Variants in AFF2 observed in about 807,000 individuals in gnomAD.
The protein encoded by AFF2 is AF4/FMR2 family member 2.
A neutral mutation model predicts 76.9 loss-of-function variants in AFF2; 14 were observed. The ratio of observed to expected loss-of-function variants is 0.18; its 90% CI spans 0.12 to 0.28. The LOEUF is 0.28. AFF2 is among the 10% of genes least tolerant of loss of function. The pLI is 1.00. For missense variants in AFF2, 868 were observed against 1,001.1 expected (o/e 0.87, Z 1.79); for synonymous variants, 398 against 366.7 (o/e 1.09, Z -0.98).
chrX:148,912,818 G>A (rs1193910065), intron 9 of AFF2, among the ~76,000 whole-genome samples: 1 of 111,301 alleles, frequency 9.0e-6, no homozygotes, highest in Non-Finnish European at 1.9e-5. Context: ...CCCACCGAGT[G>A]AGATACATGA....
At chrX:148,511,263 G>T (rs1250920794) in intron 1 of AFF2, among the ~76,000 whole-genome samples, 1 of 110,401 alleles carries the variant, frequency 9.1e-6, no homozygotes, top group Non-Finnish European at 1.9e-5. Flanking sequence ...AAAAAAAAAA[G>T]GTGTAGTAAC....
intron 7 of AFF2, among the ~76,000 whole-genome samples, chrX:148,851,396 C>T (rs1175180033): frequency 8.9e-6 from 1 of 112,461 alleles, no homozygotes; most frequent in Non-Finnish European, 1.9e-5. Flanking sequence ...AAGACTGGAA[C>T]AGAGTAGGTG....
chrX:148,804,265 G>T (rs1262009755), intron 3 of AFF2, among the ~76,000 whole-genome samples: 1 of 111,844 alleles, frequency 8.9e-6, no homozygotes, highest in Admixed American at 9.5e-5. Flanking sequence ...CGAGTGGCTT[G>T]CCCAAGGTCA....
intron 7 of AFF2, among the ~76,000 whole-genome samples, chrX:148,853,638 T>C (rs1333616830): frequency 2.7e-5 from 3 of 111,866 alleles, no homozygotes; most frequent in Non-Finnish European, 5.6e-5. Flanking sequence ...TTGCCAAAGC[T>C]CAGTCCTGTT....
chrX:148,540,759 A>G (rs1489729513), intron 1 of AFF2, among the ~76,000 whole-genome samples: 2 of 111,916 alleles, frequency 1.8e-5, no homozygotes, highest in East Asian at 2.8e-4. Flanking sequence ...GACTTCCAGA[A>G]GTAGCTTGTG....
At chrX:148,907,052 T>C (rs2071415299) in intron 9 of AFF2, among the ~76,000 whole-genome samples, 1 of 111,642 alleles carries the variant, frequency 9.0e-6, no homozygotes, top group Non-Finnish European at 1.9e-5. Context: ...TTGGAATCCA[T>C]GAGGCCAAGA....
chrX:148,969,450 G>A (rs1557289246), intron 15 of AFF2, among the ~76,000 whole-genome samples: 2 of 111,903 alleles, frequency 1.8e-5, no homozygotes, highest in Non-Finnish European at 3.8e-5. Context: ...GGACCCCCTC[G>A]GACACCAAAA....
chrX:148,898,274 C>T (rs566373312), intron 8 of AFF2, among the ~76,000 whole-genome samples: 444 of 111,827 alleles, frequency 4.0e-3, no homozygotes, highest in South Asian at 0.017. Context: ...GTGGCAGGGT[C>T]TAGAATGGCA....
Position 148,837,751 on chromosome X carries a change from C to G in AFF2, c.1173+18C>G, listed in dbSNP as rs1557273951. On this transcript the variant is annotated intron_variant, in intron 5 of 20. Transcript: ENST00000370460. The stretch of plus-strand genomic sequence containing the variant: ...CAGGACAGGTCAGTTCTCTTCCTTC[C>G]TGCATTTTTGTTTGTCTTATTTTAA... 22 of 1,099,102 alleles carry G rather than the reference C, an allele frequency of 2.0e-5. No individual in the cohort carries two copies. Among genetic ancestry groups the G allele is most frequent in the Non-Finnish European group, 2.0e-5 (16 of 803,003 alleles). 90.6% of individuals were successfully genotyped at this position (1,099,102 alleles called of 1,213,427 possible). A position where few individuals can be genotyped will look rare whatever the true frequency, so the allele number is the denominator to read the frequency against.
intron 3 of AFF2, among the ~76,000 whole-genome samples, chrX:148,740,728 T>A (rs2055340419): frequency 8.9e-6 from 1 of 112,016 alleles, no homozygotes; most frequent in Non-Finnish European, 1.9e-5. Context: ...ATCCTTGTTT[T>A]GTCACATTAC....
chrX:148,744,533 C>T (rs1341241554), intron 3 of AFF2, among the ~76,000 whole-genome samples: 1 of 111,221 alleles, frequency 9.0e-6, no homozygotes, highest in Non-Finnish European at 1.9e-5. Context: ...GCCTTGTTTT[C>T]CTCCTTGTAA....
intron 1 of AFF2, among the ~76,000 whole-genome samples, chrX:148,582,655 G>T (rs2053426810): frequency 8.9e-6 from 1 of 111,874 alleles, no homozygotes; most frequent in Non-Finnish European, 1.9e-5. Flanking sequence ...ACATACAATG[G>T]TATAGCCACT....
At chrX:148,765,142 T>G (rs908625122) in intron 3 of AFF2, among the ~76,000 whole-genome samples, 2 of 112,240 alleles carry the variant, frequency 1.8e-5, no homozygotes, top group Non-Finnish European at 3.8e-5. Flanking sequence ...CGCCTCGACC[T>G]CCCAAAGTGC....
intron 9 of AFF2, among the ~76,000 whole-genome samples, chrX:148,919,835 T>C: frequency 8.9e-6 from 1 of 112,139 alleles, no homozygotes. Context: ...CATATAAGAC[T>C]CTCACTGTGA....
rs185993671 is a variant in AFF2, at chrX:148,850,343, A to G, written c.1262+6910A>G. 1.7e-4 allele frequency among the ~76,000 whole-genome samples: 19 copies of G among 112,289 alleles called. No homozygotes were observed. In the South Asian group the frequency reaches 4.5e-3, roughly 26 times the overall value. On this transcript the variant is annotated intron_variant, in intron 7 of 20. Transcript: ENST00000370460. ...ATATCCTCATGGTGAAATAATTTTC[A>G]AAAATATCCCCATCTGTTATCAACC...
chrX:148,662,251 G>T lies in AFF2; in HGVS notation c.524G>T (p.Ser175Ile). The change falls in exon 3 of 21, where the codon AGT becomes ATT. Residue 175 changes from serine to isoleucine, a missense_variant. Ser to Ile is a moderately radical substitution (Grantham distance 142, BLOSUM62 -2). Transcript: ENST00000370460. ...AGCACTGTACTGGCAAGCCAGGCCA[G>T]TGGTCAGCCAAACAAGATGCAGACT... is the stretch of plus-strand genomic sequence containing the variant. Reference protein sequence around the residue: ...NPSTVLASQASGQPNKMQTLT... With the variant: ...NPSTVLASQAIGQPNKMQTLT... 2.5e-6 allele frequency: 3 copies of T among 1,211,785 alleles called. No individual in the cohort carries two copies. The highest frequency in any genetic ancestry group is 3.3e-6 in the Non-Finnish European group (3 of 895,569).
intron 3 of AFF2, among the ~76,000 whole-genome samples, chrX:148,701,485 CCAA>C (rs2054799621): frequency 9.0e-6 from 1 of 111,367 alleles, no homozygotes; most frequent in Non-Finnish European, 1.9e-5. Context: ...TATATAATGT[CCAA>C]ATGAGGAAAG....
chrX:148,539,392 C>T (rs943811946), intron 1 of AFF2, among the ~76,000 whole-genome samples: 1 of 111,284 alleles, frequency 9.0e-6, no homozygotes, highest in African/African-American at 3.3e-5. Flanking sequence ...ATGCTATTTT[C>T]GTTAGATCAT....
At chrX:148,764,993 G>A (rs1300623656) in intron 3 of AFF2, among the ~76,000 whole-genome samples, 2 of 111,972 alleles carry the variant, frequency 1.8e-5, no homozygotes, top group African/African-American at 6.5e-5. Flanking sequence ...TTAATTCATG[G>A]TAGGTGCTTC....
Sources: gnomAD v4.1 joint callset for allele counts (sites outside exome capture counted in the v4.1 genomes callset) on GRCh38, gnomAD v4.1.1 for gene constraint, MANE v1.5 for transcripts, NCBI Gene and HGNC (gene_info 2026-07-23, HGNC 2026-07-21) for gene names.